KCTD1: variants seen among roughly 807,000 people sequenced by gnomAD.
KCTD1 encodes the protein potassium channel tetramerization domain containing 1, also known as BTB/POZ domain-containing protein KCTD1.
Under a neutral mutation model 66.0 loss-of-function variants are expected in KCTD1, and 24 were observed. That is an observed-to-expected ratio of 0.36 (90% confidence interval 0.26 to 0.51). KCTD1 has a LOEUF of 0.51. Ranked by LOEUF, KCTD1 falls within the 20% of genes least tolerant of loss-of-function variation. The pLI is 0.95. For missense variants in KCTD1, 943 were observed against 1,205.2 expected, an observed-to-expected ratio of 0.78 and a Z score of 3.22; for synonymous variants, 511 against 517.2, an observed-to-expected ratio of 0.99 and a Z score of 0.16.
upstream of KCTD1, among the ~76,000 whole-genome samples, chr18:26,552,688 T>G (rs534380631): frequency 6.6e-6 from 1 of 152,208 alleles, no homozygotes; most frequent in Non-Finnish European, 1.5e-5. Context: ...GGGACCCTTT[T>G]CTTGCAGTAG....
At chr18:26,549,008 C>T (rs1437908498), upstream of KCTD1, 1 of 985,132 alleles carries the variant, frequency 1.0e-6, no homozygotes, top group Non-Finnish European at 1.2e-6. Flanking sequence ...ACTGCCCCCT[C>T]ATTGCCCCCC....
chr18:26,596,892 T>C (rs958292263), intron 1 of KCTD1, among the ~76,000 whole-genome samples: 1 of 152,256 alleles, frequency 6.6e-6, no homozygotes, highest in African/African-American at 2.4e-5. Context: ...TTGGAACTGC[T>C]GATGAAAGAG....
In KCTD1 at chr18:26,476,923, G is replaced by C. The variant is rs751330213; in HGVS notation, c.1989-264C>G. 15 of 375,790 alleles carry C rather than the reference G, an allele frequency of 4.0e-5. No individual in the cohort carries two copies. Among genetic ancestry groups the C allele is most frequent in the Admixed American group, 2.0e-4 (4 of 20,178 alleles). The allele number at this position is 375,790 out of a possible 1,614,324, so 23.3% of individuals were successfully genotyped here. A position where few individuals can be genotyped will look rare whatever the true frequency, so the allele number is the denominator to read the frequency against. ...AAAATGTTCCTGACATGGTGATTAC[G>C]GCTAAGTGCTGTCACTGTAATGGAA... On this transcript the variant is annotated intron_variant, in intron 2 of 4. Coordinates refer to ENST00000580059, the MANE Select transcript of KCTD1 (RefSeq NM_001142730.3). The surrounding 1 kb of genome is among the most constrained non-coding windows in gnomAD (Gnocchi z 4.9).
chr18:26,498,951 A>G (rs888040396), intron 2 of KCTD1, among the ~76,000 whole-genome samples: 2 of 152,192 alleles, frequency 1.3e-5, no homozygotes, highest in African/African-American at 4.8e-5. Context: ...TCTGTCTTCT[A>G]CTTTGGCCAG....
intron 1 of KCTD1, chr18:26,600,228 A>G: frequency 6.2e-7 from 1 of 1,605,112 alleles, no homozygotes; most frequent in Non-Finnish European, 8.5e-7. Context: ...CGGCTTGTGG[A>G]AACTGCTACC....
At chr18:26,556,573 G>A (rs1985712403) in intron 1 of KCTD1, among the ~76,000 whole-genome samples, 1 of 152,226 alleles carries the variant, frequency 6.6e-6, no homozygotes, top group Non-Finnish European at 1.5e-5. Context: ...CATTGGCAAA[G>A]ATTTGGGAAG....
intron 1 of KCTD1, among the ~76,000 whole-genome samples, chr18:26,578,216 C>T (rs182776172): frequency 4.6e-5 from 7 of 152,042 alleles, no homozygotes; most frequent in Admixed American, 6.6e-5. Context: ...CCACCACACC[C>T]GGCTAATTCC....
chr18:26,592,761 C>T (rs1986637560), intron 1 of KCTD1, among the ~76,000 whole-genome samples: 1 of 152,186 alleles, frequency 6.6e-6, no homozygotes, highest in African/African-American at 2.4e-5. Flanking sequence ...CATTTTCTAC[C>T]TTTCTTATGT....
At chr18:26,469,943 C>A (rs973987524) in intron 3 of KCTD1, among the ~76,000 whole-genome samples, 10 of 135,192 alleles carry the variant, frequency 7.4e-5, no homozygotes, top group African/African-American at 1.4e-4. Flanking sequence ...AAACAAACAA[C>A]AAACAAACAA....
At chr18:26,636,027 G>T (rs1322826779) in intron 1 of KCTD1, among the ~76,000 whole-genome samples, 1 of 152,188 alleles carries the variant, frequency 6.6e-6, no homozygotes, top group Non-Finnish European at 1.5e-5. Context: ...TGGGGCTTGT[G>T]CTGGGAGAGT....
chr18:26,494,654 T>C (rs1381143088), intron 2 of KCTD1, among the ~76,000 whole-genome samples: 1 of 152,174 alleles, frequency 6.6e-6, no homozygotes, highest in East Asian at 1.9e-4. Context: ...TCTTTACCTA[T>C]ATAACTGAGG....
chr18:26,612,522 C>T (rs1987158530), intron 1 of KCTD1, among the ~76,000 whole-genome samples: 1 of 152,138 alleles, frequency 6.6e-6, no homozygotes, highest in Non-Finnish European at 1.5e-5. Context: ...TGGGAGACCA[C>T]TTGAGGACAC....
chr18:26,630,235 C>CCCAGTTTTTAAAAAAAT (rs1987589268), upstream of KCTD1, among the ~76,000 whole-genome samples: 1 of 152,138 alleles, frequency 6.6e-6, no homozygotes, highest in African/African-American at 2.4e-5. Context: ...GCTGCACACC[C>CCCAGTTTTTAAAAAAAT]CCAGTTTTTA....
At chr18:26,558,315 C>T (rs963965988) in intron 1 of KCTD1, among the ~76,000 whole-genome samples, 1 of 152,056 alleles carries the variant, frequency 6.6e-6, no homozygotes, top group Non-Finnish European at 1.5e-5. Context: ...CAAATGCTGG[C>T]GAGGATGTGG....
At chr18:26,509,013 G>A (rs1268530969) in intron 1 of KCTD1, among the ~76,000 whole-genome samples, 13 of 152,122 alleles carry the variant, frequency 8.5e-5, no homozygotes, top group Admixed American at 6.5e-4. Context: ...TTTTGAAAGA[G>A]GCCTCACTGG....
intron 1 of KCTD1, among the ~76,000 whole-genome samples, chr18:26,612,721 A>C (rs892503932): frequency 6.6e-6 from 1 of 152,230 alleles, no homozygotes; most frequent in Non-Finnish European, 1.5e-5. Context: ...AGTGTGTGGT[A>C]CTTTGTTACA....
intron 1 of KCTD1, among the ~76,000 whole-genome samples, chr18:26,599,148 C>CT (rs1456723450): frequency 6.6e-6 from 1 of 152,056 alleles, no homozygotes; most frequent in Non-Finnish European, 1.5e-5. Context: ...TAGTTATGAT[C>CT]TTTTTTTGTA....
At position 26,546,996 on chromosome 18, in the gene KCTD1, T is replaced by C; in HGVS notation, c.1541A>G (p.Tyr514Cys). The C allele has an allele frequency of 5.5e-6, 8 of 1,459,712 alleles. No homozygotes were observed. The highest frequency in any genetic ancestry group is 7.3e-6 in the Non-Finnish European group (8 of 1,103,086). 90.4% of individuals were successfully genotyped at this position (1,459,712 alleles called of 1,614,324 possible). A position where few individuals can be genotyped will look rare whatever the true frequency, so the allele number is the denominator to read the frequency against. The change falls in exon 1 of 5, where the codon TAC becomes TGC. Residue 514 changes from tyrosine to cysteine, a missense_variant. This residue lies in a region of KCTD1 where 197 missense variants were observed against 182.7 expected (regional missense o/e 1.08). Coordinates refer to ENST00000580059, the MANE Select transcript of KCTD1 (RefSeq NM_001142730.3). ...RPQPPSLGNT[Y>C]ILPKDSQVGP... The stretch of plus-strand genomic sequence containing the variant: ...GACCTGGCTGTCTTTGGGGAGGATG[T>C]AAGTGTTCCCCAGCGAGGGCGGCTG...
At chr18:26,593,142 A>T (rs1986648534) in intron 1 of KCTD1, among the ~76,000 whole-genome samples, 1 of 152,164 alleles carries the variant, frequency 6.6e-6, no homozygotes, top group South Asian at 2.1e-4. Context: ...GGCTCAGGTT[A>T]ACACCAAGCT....
Sources: allele counts gnomAD v4.1 joint callset (sites outside exome capture counted in the v4.1 genomes callset), GRCh38; gene constraint gnomAD v4.1.1; regional missense constraint gnomAD v4.1.1; non-coding constraint Gnocchi (gnomAD v3.1); transcripts MANE v1.5; gene names NCBI Gene and HGNC (gene_info 2026-07-23, HGNC 2026-07-21).